Variants in NOVA1 observed in about 807,000 individuals in gnomAD.
NOVA1 encodes the protein NOVA alternative splicing regulator 1, also known as RNA-binding protein Nova-1.
In NOVA1, 7 loss-of-function variants were observed where a neutral mutation model predicts 38.0. That is an observed-to-expected ratio of 0.18 (90% CI 0.10 to 0.35). The LOEUF (loss-of-function observed/expected upper bound fraction) is 0.35. Among genes scored for constraint, NOVA1 ranks in the 10% least tolerant of loss-of-function variants. The pLI, the probability that NOVA1 is intolerant of heterozygous loss-of-function variation, is 1.00. For missense variants in NOVA1, 460 were observed against 616.0 expected (o/e 0.75, Z 2.68); for synonymous variants, 270 against 232.5 (o/e 1.16, Z -1.47).
At chr14:26,491,203 G>A (rs1385785307) in intron 2 of NOVA1, among the ~76,000 whole-genome samples, 5 of 151,320 alleles carry the variant, frequency 3.3e-5, no homozygotes, top group South Asian at 4.2e-4. Flanking sequence ...ATGGGGTCTC[G>A]CAATGTTACC....
At chr14:26,527,780 T>C (rs1369709676) in intron 2 of NOVA1, among the ~76,000 whole-genome samples, 1 of 152,176 alleles carries the variant, frequency 6.6e-6, no homozygotes, top group Non-Finnish European at 1.5e-5. Context: ...ATTTCACACA[T>C]GTCGATTTCT....
chr14:26,486,762 C>T (rs998210074), intron 2 of NOVA1, among the ~76,000 whole-genome samples: 2 of 143,030 alleles, frequency 1.4e-5, no homozygotes, highest in Non-Finnish European at 1.5e-5. Flanking sequence ...TTTCTTGTTC[C>T]TAGTGACAAC....
intron 2 of NOVA1, among the ~76,000 whole-genome samples, chr14:26,523,748 A>ATTTT (rs1182238464): frequency 3.8e-4 from 41 of 108,622 alleles, no homozygotes; most frequent in African/African-American, 8.6e-4. Flanking sequence ...CCACTTGAAG[A>ATTTT]TTTTTTTTTT....
rs74466129 is a variant in NOVA1, at chr14:26,460,985, A to G, written c.519+11335T>C. On this transcript the variant is annotated intron_variant, in intron 4 of 4. Coordinates refer to ENST00000539517, the MANE Select transcript of NOVA1 (RefSeq NM_002515.3). ...TAACTACACATTGTGGAATAAGGAG[A>G]CATTAAGTGGTTTGGTTATATAAAG... 1.4e-3 allele frequency among the ~76,000 whole-genome samples: 207 copies of G among 152,312 alleles called. 1 individual carries two copies. Among genetic ancestry groups the G allele is most frequent in the African/African-American group, 4.5e-3 (188 of 41,580 alleles).
Position 26,444,711 on chromosome 14 carries a change from T to C in NOVA1, c.*3248A>G, listed in dbSNP as rs1022532111. 6.6e-6 allele frequency: 1 copy of C among 151,934 alleles called. No individual in the cohort carries two copies. The highest frequency in any genetic ancestry group is 1.5e-5 in the Non-Finnish European group (1 of 67,980). 9.4% of individuals were successfully genotyped at this position (151,934 alleles called of 1,614,324 possible). On this transcript the variant is annotated 3_prime_UTR_variant, in exon 5 of 5. Transcript: ENST00000539517. Reference sequence around the variant, plus strand: ...GAAGTAGGATTGAAAGTCCTACAGGTAATAGCAATAACTGGAAGTGCAGAC... The same window carrying C: ...GAAGTAGGATTGAAAGTCCTACAGGCAATAGCAATAACTGGAAGTGCAGAC...
At chr14:26,596,947 C>T in intron 1 of NOVA1, 1 of 1,208,618 alleles carries the variant, frequency 8.3e-7, no homozygotes, top group Non-Finnish European at 1.0e-6. Flanking sequence ...GCCATCACCT[C>T]ACTCCGGGGT....
At chr14:26,547,973 C>A (rs1444067875) in intron 2 of NOVA1, among the ~76,000 whole-genome samples, 1 of 151,910 alleles carries the variant, frequency 6.6e-6, no homozygotes, top group Non-Finnish European at 1.5e-5. Flanking sequence ...GTAAGTAAAG[C>A]CTTTTATTCT....
intron 2 of NOVA1, among the ~76,000 whole-genome samples, chr14:26,530,251 C>G (rs913330339): frequency 1.3e-5 from 2 of 152,166 alleles, no homozygotes; most frequent in African/African-American, 4.8e-5. Context: ...CCAGCTGATT[C>G]TGTCAGTTAG....
chr14:26,596,465 C>G, intron 1 of NOVA1: 1 of 1,076,194 alleles, frequency 9.3e-7, no homozygotes, highest in Non-Finnish European at 1.3e-6. Context: ...ACAGGAGACA[C>G]CCCGGTAAAT....
At chr14:26,462,945 T>C (rs1196918640) in intron 4 of NOVA1, among the ~76,000 whole-genome samples, 4 of 152,192 alleles carry the variant, frequency 2.6e-5, no homozygotes, top group African/African-American at 9.7e-5. Flanking sequence ...GGAAATGTAG[T>C]GATTTTCATA....
intron 2 of NOVA1, among the ~76,000 whole-genome samples, chr14:26,595,168 G>A (rs1244028702): frequency 6.6e-6 from 1 of 152,058 alleles, no homozygotes; most frequent in African/African-American, 2.4e-5. Flanking sequence ...GAATTATTCA[G>A]AAATACCCGA....
intron 2 of NOVA1, among the ~76,000 whole-genome samples, chr14:26,501,979 T>G (rs1237276879): frequency 2.0e-5 from 3 of 151,978 alleles, no homozygotes; most frequent in Non-Finnish European, 4.4e-5. Context: ...GCAAGGACTA[T>G]GTATAAATAC....
At chr14:26,550,543 T>C (rs1302325442) in intron 2 of NOVA1, among the ~76,000 whole-genome samples, 2 of 152,158 alleles carry the variant, frequency 1.3e-5, no homozygotes, top group Admixed American at 1.3e-4. Flanking sequence ...CTGCTTTTAC[T>C]ACAACAACCT....
At chr14:26,596,855 C>T in intron 1 of NOVA1, 1 of 1,128,794 alleles carries the variant, frequency 8.9e-7, no homozygotes, top group South Asian at 1.9e-5. Context: ...TCCGGCGCCC[C>T]AGTCATTCGC....
At chr14:26,471,952 T>C in intron 4 of NOVA1, 1 of 279,386 alleles carries the variant, frequency 3.6e-6, no homozygotes, top group Non-Finnish European at 6.3e-6. Context: ...ATTTATACAT[T>C]TTTTTTTTTA....
rs893855631 is a variant in NOVA1, at chr14:26,597,915, G to C, written c.-479C>G. 2.7e-5 allele frequency among the ~76,000 whole-genome samples: 4 copies of C among 150,758 alleles called. No individual in the cohort carries two copies. The highest frequency in any genetic ancestry group is 9.8e-5 in the African/African-American group (4 of 40,990). ...GGGAAGGAGGTGGATGCCGAGAGAG[G>C]AGCGAGCGGCAGAGGAGGGCAGGAG... On this transcript the variant is annotated 5_prime_UTR_variant, in exon 1 of 5. Transcript: ENST00000539517.
chr14:26,572,264 G>A (rs1418086278), intron 2 of NOVA1, among the ~76,000 whole-genome samples: 1 of 152,052 alleles, frequency 6.6e-6, no homozygotes, highest in Non-Finnish European at 1.5e-5. Context: ...ACAAGAATTG[G>A]CAACAATTAT....
intron 2 of NOVA1, among the ~76,000 whole-genome samples, chr14:26,575,423 G>A (rs1415049330): frequency 6.6e-6 from 1 of 152,036 alleles, no homozygotes; most frequent in East Asian, 1.9e-4. Context: ...TCAACACTAA[G>A]GGATGATTTA....
chr14:26,566,246 G>A (rs900510672), intron 2 of NOVA1, among the ~76,000 whole-genome samples: 2 of 151,998 alleles, frequency 1.3e-5, no homozygotes, highest in Non-Finnish European at 2.9e-5. Flanking sequence ...CTTATTTAAC[G>A]CTATTAACAA....
Sources: gnomAD v4.1 joint callset for allele counts (sites outside exome capture counted in the v4.1 genomes callset) on GRCh38, gnomAD v4.1.1 for gene constraint, MANE v1.5 for transcripts, NCBI Gene and HGNC (gene_info 2026-07-23, HGNC 2026-07-21) for gene names.